Variants in LRP1B observed in about 807,000 individuals in gnomAD.
LRP1B encodes low-density lipoprotein receptor-related protein 1B.
In LRP1B, 217 loss-of-function variants were observed where a neutral mutation model predicts 556.6. The ratio of observed to expected loss-of-function variants is 0.39; its 90% confidence interval spans 0.35 to 0.44. The LOEUF (loss-of-function observed/expected upper bound fraction) is 0.44, where lower values mean the gene tolerates loss of function less well. Among genes scored for constraint, LRP1B ranks in the 20% least tolerant of loss-of-function variants. The probability of loss-of-function intolerance (pLI) is 1.00; values close to 1 mark genes in which losing one functional copy is unlikely to be tolerated. For missense variants in LRP1B, 5,053 were observed against 5,620.8 expected, an observed-to-expected ratio of 0.90 and a Z score of 3.23; for synonymous variants, 2,047 against 1,865.8, an observed-to-expected ratio of 1.10 and a Z score of -2.50.
At chr2:141,194,726 A>G (rs570530020) in intron 6 of LRP1B, among the ~76,000 whole-genome samples, 1 of 152,184 alleles carries the variant, frequency 6.6e-6, no homozygotes, top group East Asian at 1.9e-4. Flanking sequence ...TGAAAAGGTT[A>G]CTAACATCAA....
chr2:141,412,738 A>G (rs2104945703), intron 3 of LRP1B, among the ~76,000 whole-genome samples: 1 of 152,316 alleles, frequency 6.6e-6, no homozygotes, highest in Admixed American at 6.5e-5. Flanking sequence ...AAATAATTAA[A>G]AAGAGAGTAA....
chr2:141,404,889 T>TG (rs1690577397), intron 3 of LRP1B, among the ~76,000 whole-genome samples: 1 of 149,016 alleles, frequency 6.7e-6, no homozygotes, highest in African/African-American at 2.5e-5. Flanking sequence ...GAGAATATGT[T>TG]TTTTTTTTTT....
chr2:141,515,470 G>A (rs1335488070), intron 2 of LRP1B, among the ~76,000 whole-genome samples: 2 of 152,058 alleles, frequency 1.3e-5, no homozygotes, highest in Non-Finnish European at 2.9e-5. Flanking sequence ...AGGTGATTTT[G>A]CATTTTTATT....
intron 2 of LRP1B, among the ~76,000 whole-genome samples, chr2:141,788,966 C>T (rs1574360819): frequency 6.6e-6 from 1 of 151,964 alleles, no homozygotes; most frequent in Admixed American, 6.6e-5. Flanking sequence ...CAAGTCTTTG[C>T]TATTGTGAAT....
At chr2:141,523,258 C>T (rs1684586292) in intron 2 of LRP1B, among the ~76,000 whole-genome samples, 1 of 151,992 alleles carries the variant, frequency 6.6e-6, no homozygotes. Context: ...GGACCCAGGA[C>T]ATATAAATAT....
intron 1 of LRP1B, among the ~76,000 whole-genome samples, chr2:142,031,252 G>C (rs1246370279): frequency 2.0e-5 from 3 of 149,660 alleles, no homozygotes; most frequent in Non-Finnish European, 4.5e-5. Context: ...CATTGGAATA[G>C]TTTGGATTCT....
chr2:142,124,274 T>A (rs1209504036), intron 1 of LRP1B, among the ~76,000 whole-genome samples: 10 of 151,884 alleles, frequency 6.6e-5, no homozygotes, highest in Admixed American at 6.6e-4. Context: ...CTAAGGATAC[T>A]TACAAATTTG....
chr2:140,525,007 G>A (rs1165371075), intron 49 of LRP1B, among the ~76,000 whole-genome samples: 1 of 151,782 alleles, frequency 6.6e-6, no homozygotes, highest in Non-Finnish European at 1.5e-5. Flanking sequence ...TAATAAATGT[G>A]TCATCTACTA....
chr2:140,602,423 T>A (rs777092570), intron 41 of LRP1B, among the ~76,000 whole-genome samples: 4 of 152,104 alleles, frequency 2.6e-5, no homozygotes, highest in Admixed American at 1.3e-4. Context: ...TCTTTAAGTA[T>A]AATCAAATTA....
intron 27 of LRP1B, among the ~76,000 whole-genome samples, chr2:140,859,778 A>G (rs1046029762): frequency 1.3e-5 from 2 of 152,006 alleles, no homozygotes; most frequent in Non-Finnish European, 2.9e-5. Context: ...GCGGATCATG[A>G]GGTCAGGAGA....
At chr2:140,827,569 A>G (rs2380893) in intron 31 of LRP1B, among the ~76,000 whole-genome samples, 69,362 of 151,548 alleles carry the variant, frequency 0.46, 17,840 homozygotes, top group Non-Finnish European at 0.57. Context: ...ATACAGTAAA[A>G]GGATAAAAAA....
chr2:140,756,728 T>C (rs1688752646), intron 35 of LRP1B, among the ~76,000 whole-genome samples: 1 of 152,112 alleles, frequency 6.6e-6, no homozygotes, highest in Admixed American at 6.5e-5. Context: ...AAAAGAAACA[T>C]GGAATTAAAT....
At chr2:140,426,482 C>A (rs1685660604) in intron 66 of LRP1B, among the ~76,000 whole-genome samples, 1 of 152,126 alleles carries the variant, frequency 6.6e-6, no homozygotes. Flanking sequence ...TAACTGATGA[C>A]ATTCCACCAC....
Position 141,121,601 on chromosome 2 carries a change from G to T in LRP1B, c.1014-59328C>A, listed in dbSNP as rs1205469154. The stretch of plus-strand genomic sequence containing the variant: ...ACCACTGCTCAAGGAAATAAAAGAG[G>T]ATACAAACAAATGGAAGAACATTCC... On this transcript the variant is annotated intron_variant, in intron 7 of 90. Coordinates refer to ENST00000389484, the MANE Select transcript of LRP1B (RefSeq NM_018557.3). Among the ~76,000 whole-genome samples, 5 of 151,930 alleles carry T rather than the reference G, an allele frequency of 3.3e-5. No individual in the cohort carries two copies. In the East Asian group the frequency reaches 7.7e-4, roughly 24 times the overall value.
chr2:140,391,131 AACT>A (rs1684000894), intron 66 of LRP1B, among the ~76,000 whole-genome samples: 1 of 152,122 alleles, frequency 6.6e-6, no homozygotes, highest in African/African-American at 2.4e-5. Context: ...CATAACTATT[AACT>A]ACTAAAATCA....
chr2:140,457,362 T>G lies in LRP1B; in HGVS notation c.9814+101A>C, dbSNP rs560908406. 2.1e-5 allele frequency: 20 copies of G among 940,718 alleles called. No homozygotes were observed. The South Asian group carries it at 3.0e-4, about 14-fold the overall frequency. The allele number at this position is 940,718 out of a possible 1,614,324, so 58.3% of individuals were successfully genotyped here. A position where few individuals can be genotyped will look rare whatever the true frequency, so the allele number is the denominator to read the frequency against. ...TGCTAAATAATTAAATCTAGTAATC[T>G]TCATCAAAAATAAAATTACATTTAA... On this transcript the variant is annotated intron_variant, in intron 61 of 90. Transcript: ENST00000389484.
Position 140,912,747 on chromosome 2 carries a change from A to G in LRP1B, c.3320-4670T>C, listed in dbSNP as rs970656687. ...ACAATAACAGCAAATTTTTTAAAAA[A>G]AATCCCCAAAACCCAGAAATTTGGT... is the stretch of plus-strand genomic sequence containing the variant. On this transcript the variant is annotated intron_variant, in intron 21 of 90. Transcript: ENST00000389484. Among the ~76,000 whole-genome samples the G allele has an allele frequency of 3.3e-5, 5 of 151,890 alleles. No individual in the cohort carries two copies. The South Asian group carries it at 6.2e-4, about 19-fold the overall frequency.
rs1477702921 is a variant in LRP1B at position 141,054,378 on chromosome 2, C to A, written c.1552+738G>T. 2.6e-5 allele frequency among the ~76,000 whole-genome samples: 4 copies of A among 152,070 alleles called. No individual in the cohort carries two copies. In the South Asian group the frequency reaches 8.3e-4, roughly 32 times the overall value. On this transcript the variant is annotated intron_variant, in intron 10 of 90. Transcript: ENST00000389484. ...AAAGACCAACAGTCCCCACTAGGAT[C>A]ATTTCAATCAGGGCCGTTCTACTAT...
At chr2:141,438,216 A>G (rs1680834914) in intron 3 of LRP1B, among the ~76,000 whole-genome samples, 1 of 152,104 alleles carries the variant, frequency 6.6e-6, no homozygotes, top group East Asian at 1.9e-4. Context: ...GAGTCTGTTC[A>G]TCTATGACTT....
Sources: allele counts gnomAD v4.1 joint callset (sites outside exome capture counted in the v4.1 genomes callset), GRCh38; gene constraint gnomAD v4.1.1; transcripts MANE v1.5; gene names NCBI Gene and HGNC (gene_info 2026-07-23, HGNC 2026-07-21).